Variants in DPH6 observed in about 807,000 individuals in gnomAD.
DPH6 encodes diphthine--ammonia ligase.
Under a neutral mutation model 38.2 loss-of-function variants are expected in DPH6, and 33 were observed. That is an observed-to-expected ratio of 0.86 (90% CI 0.65 to 1.15). The LOEUF is 1.15. Among genes scored for constraint, DPH6 ranks in the 50% most tolerant of loss-of-function variants. The probability of loss-of-function intolerance (pLI) is 0.00; values close to 1 mark genes in which losing one functional copy is unlikely to be tolerated. For synonymous variants in DPH6, 108 were observed against 103.0 expected, an observed-to-expected ratio of 1.05 and a Z score of -0.30; for missense variants, 325 against 320.0, an observed-to-expected ratio of 1.02 and a Z score of -0.12.
At chr15:35,421,258 A>T (rs1034239481) in intron 5 of DPH6, among the ~76,000 whole-genome samples, 1 of 152,320 alleles carries the variant, frequency 6.6e-6, no homozygotes, top group African/African-American at 2.4e-5. Flanking sequence ...AAGAAAACTA[A>T]CATTGAAGAA....
At chr15:35,492,824 G>T (rs1322002289) in intron 3 of DPH6, among the ~76,000 whole-genome samples, 1 of 151,980 alleles carries the variant, frequency 6.6e-6, no homozygotes, top group Non-Finnish European at 1.5e-5. Context: ...ATGGCACCAG[G>T]GTCAGAACTC....
At chr15:35,449,775 C>G (rs1000396216) in intron 5 of DPH6, among the ~76,000 whole-genome samples, 2 of 152,120 alleles carry the variant, frequency 1.3e-5, no homozygotes, top group Non-Finnish European at 2.9e-5. Flanking sequence ...CTGAAGACAA[C>G]ACCTCAACTT....
At position 35,435,920 on chromosome 15, in the gene DPH6, G is replaced by A. The variant is rs148726094; in HGVS notation, c.505+14765C>T. Among the ~76,000 whole-genome samples the A allele has an allele frequency of 4.7e-3, 710 of 152,178 alleles. 12 individuals carry two copies. Among genetic ancestry groups the A allele is most frequent in the African/African-American group, 0.016 (680 of 41,520 alleles). On this transcript the variant is annotated intron_variant, in intron 5 of 8. Coordinates refer to ENST00000256538, the MANE Select transcript of DPH6 (RefSeq NM_080650.4). ...GGAATGTCAGCCTTGGTCCAAACCA[G>A]CCTTTTCTATGGCATTTTCCTTCTT... is the stretch of plus-strand genomic sequence containing the variant.
In DPH6 at chr15:35,496,081, C is replaced by T. The variant is rs368011630; in HGVS notation, c.313-41261G>A. ...TATCAAATGTGTAAGTAAACAATAG[C>T]TTCTAAAAGATAGTACAGGAGAGTA... On this transcript the variant is annotated intron_variant, in intron 3 of 8. Coordinates refer to ENST00000256538, the MANE Select transcript of DPH6 (RefSeq NM_080650.4). Among the ~76,000 whole-genome samples the T allele has an allele frequency of 4.6e-5, 7 of 152,212 alleles. No homozygotes were observed. The East Asian group carries it at 1.2e-3, about 25-fold the overall frequency.
intron 3 of DPH6, among the ~76,000 whole-genome samples, chr15:35,499,756 A>T (rs1443031986): frequency 6.6e-6 from 1 of 152,218 alleles, no homozygotes; most frequent in Non-Finnish European, 1.5e-5. Flanking sequence ...TCAGACACTT[A>T]CTTTATCGCT....
chr15:35,489,517 A>G lies in DPH6; in HGVS notation c.313-34697T>C, dbSNP rs1025291669. ...TGAACTAGAATTATAGCCAGAACTTATTTTCATAATCTTTTGCAGGGATGA... is the reference window on the plus strand; with the variant it reads ...TGAACTAGAATTATAGCCAGAACTTGTTTTCATAATCTTTTGCAGGGATGA... On this transcript the variant is annotated intron_variant, in intron 3 of 8. Coordinates refer to ENST00000256538, the MANE Select transcript of DPH6 (RefSeq NM_080650.4). 4 of 983,254 alleles carry G rather than the reference A, an allele frequency of 4.1e-6. No individual in the cohort carries two copies. In the African/African-American group the frequency reaches 5.2e-5, roughly 13 times the overall value. 60.9% of individuals were successfully genotyped at this position (983,254 alleles called of 1,614,324 possible).
the DPH6 span, among the ~76,000 whole-genome samples, chr15:35,211,434 T>C: frequency 6.6e-6 from 1 of 152,178 alleles, no homozygotes; most frequent in Non-Finnish European, 1.5e-5. Context: ...GAGTCACACA[T>C]GTAGCTATTG....
chr15:35,183,804 TTC>T, the DPH6 span, among the ~76,000 whole-genome samples: 14 of 152,352 alleles, frequency 9.2e-5, no homozygotes, highest in South Asian at 1.9e-3. Context: ...GATTTCTTCC[TTC>T]ATATACAATG....
At chr15:35,474,072 A>T (rs1433354010) in intron 3 of DPH6, among the ~76,000 whole-genome samples, 1 of 152,044 alleles carries the variant, frequency 6.6e-6, no homozygotes, top group Non-Finnish European at 1.5e-5. Context: ...TAGGAAGAGG[A>T]TATACCTATG....
chr15:35,420,505 T>C (rs1326784786), intron 5 of DPH6, among the ~76,000 whole-genome samples: 1 of 152,072 alleles, frequency 6.6e-6, no homozygotes, highest in African/African-American at 2.4e-5. Context: ...AAACAGAGTT[T>C]TATTTTATTT....
chr15:35,231,283 A>C (rs2051515729), intron 3 of DPH6, among the ~76,000 whole-genome samples: 1 of 152,198 alleles, frequency 6.6e-6, no homozygotes, highest in African/African-American at 2.4e-5. Flanking sequence ...GCTTTTTGCT[A>C]TAATAATGGC....
At chr15:35,338,134 A>G (rs1007321806) in intron 3 of DPH6, among the ~76,000 whole-genome samples, 8 of 152,116 alleles carry the variant, frequency 5.3e-5, no homozygotes, top group African/African-American at 9.7e-5. Context: ...AGGACTTCAC[A>G]TCTAAAACAC....
exon 4 of DPH6, chr15:35,220,457 T>C (rs751633402): frequency 1.3e-5 from 2 of 152,096 alleles, no homozygotes; most frequent in Non-Finnish European, 2.9e-5. Flanking sequence ...AATAATTAAT[T>C]AGACCATGAT....
intron 2 of DPH6, among the ~76,000 whole-genome samples, chr15:35,542,081 AT>A (rs2055260787): frequency 6.6e-6 from 1 of 152,090 alleles, no homozygotes; most frequent in South Asian, 2.1e-4. Flanking sequence ...GTACTTGGGA[AT>A]GTGGTGGGGT....
the DPH6 span, among the ~76,000 whole-genome samples, chr15:35,171,542 T>C: frequency 6.6e-6 from 1 of 152,228 alleles, no homozygotes; most frequent in East Asian, 1.9e-4. Flanking sequence ...AACTAGGGGT[T>C]ATAGATGTTT....
At chr15:35,496,587 T>TATATATATATATATATAG (rs2054561685) in intron 3 of DPH6, among the ~76,000 whole-genome samples, 1 of 114,904 alleles carries the variant, frequency 8.7e-6, no homozygotes, top group Non-Finnish European at 1.7e-5. Flanking sequence ...TATATATATA[T>TATATATATATATATATAG]ATATCCTCTA....
rs538314911 is a variant in DPH6 at position 35,535,598 on chromosome 15, A to G, written c.312+2676T>C. On this transcript the variant is annotated intron_variant, in intron 3 of 8. Coordinates refer to ENST00000256538, the MANE Select transcript of DPH6 (RefSeq NM_080650.4). ...CACTGCTCACGTGACTTAAAAAGAA[A>G]ACAAACAATTGGAAATTACTGTATT... Among the ~76,000 whole-genome samples the G allele has an allele frequency of 2.0e-5, 3 of 150,690 alleles. No homozygotes were observed. The South Asian group carries it at 6.5e-4, about 33-fold the overall frequency.
the DPH6 span, among the ~76,000 whole-genome samples, chr15:35,172,111 C>T: frequency 2.6e-5 from 4 of 152,186 alleles, no homozygotes; most frequent in Non-Finnish European, 4.4e-5. Flanking sequence ...CGTGATCCAC[C>T]TGCCTTGGCC....
In DPH6 at chr15:35,312,010, G is replaced by GA. The variant is rs10573455; in HGVS notation, n.200+61510dup. On this transcript the variant is annotated intron_variant and non_coding_transcript_variant, in intron 3 of 3. Coordinates refer to the DPH6 transcript ENST00000560386. The stretch of plus-strand genomic sequence containing the variant: ...GAGTCTGAAGCCTGGTTAAGAAAAT[G>GA]AAAAAAAAAAAAAAAAAAAAAATAG... Among the ~76,000 whole-genome samples the GA allele has an allele frequency of 3.7e-3, 373 of 102,126 alleles. 2 individuals are homozygous for GA. The highest frequency in any genetic ancestry group is 0.012 in the African/African-American group (344 of 27,958). 67.0% of individuals were successfully genotyped at this position (102,126 alleles called of 152,430 possible).
Sources: gnomAD v4.1 joint callset for allele counts (sites outside exome capture counted in the v4.1 genomes callset) on GRCh38, gnomAD v4.1.1 for gene constraint, MANE v1.5 for transcripts, NCBI Gene and HGNC (gene_info 2026-07-23, HGNC 2026-07-21) for gene names.